SCPPPQ1: variants seen among roughly 807,000 people sequenced by gnomAD.
SCPPPQ1 encodes secretory calcium-binding phosphoprotein proline-glutamine rich 1.
the SCPPPQ1 span, among the ~76,000 whole-genome samples, chr4:87,470,492 G>A: frequency 2.0e-5 from 3 of 151,846 alleles, no homozygotes; most frequent in African/African-American, 7.3e-5. Flanking sequence ...AGATGTAATG[G>A]GTTGGTAGAA....
the SCPPPQ1 span, among the ~76,000 whole-genome samples, chr4:87,470,129 A>T: frequency 1.3e-5 from 2 of 151,764 alleles, no homozygotes; most frequent in Non-Finnish European, 1.5e-5. Flanking sequence ...AATTTTAAAA[A>T]AATTTTCTTA....
the SCPPPQ1 span, among the ~76,000 whole-genome samples, chr4:87,465,709 A>C: frequency 1.3e-5 from 2 of 152,012 alleles, no homozygotes; most frequent in African/African-American, 4.8e-5. Context: ...CAATTATTCT[A>C]TATCTAGGGT....
the SCPPPQ1 span, among the ~76,000 whole-genome samples, chr4:87,465,559 C>CAAAAAAAA: frequency 1.3e-4 from 13 of 98,300 alleles, no homozygotes; most frequent in African/African-American, 2.2e-4. Flanking sequence ...TAGAAATCTA[C>CAAAAAAAA]AAAAAAAAAA....
the SCPPPQ1 span, among the ~76,000 whole-genome samples, chr4:87,465,903 ACAGTAAGT>A: frequency 5.9e-5 from 8 of 136,272 alleles, no homozygotes; most frequent in South Asian, 1.9e-3. Context: ...CACTTTCCCT[ACAGTAAGT>A]GTTACTTTCT....
chr4:87,462,995 CAAA>C, the SCPPPQ1 span, among the ~76,000 whole-genome samples: 5 of 91,682 alleles, frequency 5.5e-5, no homozygotes, highest in East Asian at 3.0e-4. Flanking sequence ...CAAGACTCCT[CAAA>C]AAAAAAAAAA....
chr4:87,470,569 G>T, the SCPPPQ1 span, among the ~76,000 whole-genome samples: 1 of 151,840 alleles, frequency 6.6e-6, no homozygotes, highest in East Asian at 1.9e-4. Flanking sequence ...TTGGTCCATT[G>T]GTTCTGAAAG....
chr4:87,467,870 G>A, the SCPPPQ1 span, among the ~76,000 whole-genome samples: 15 of 152,244 alleles, frequency 9.9e-5, no homozygotes, highest in African/African-American at 3.4e-4. Flanking sequence ...TACTTGTGGT[G>A]GGTAAAAGAT....
At chr4:87,462,514 T>C in the SCPPPQ1 span, among the ~76,000 whole-genome samples, 1 of 152,098 alleles carries the variant, frequency 6.6e-6, no homozygotes, top group Non-Finnish European at 1.5e-5. Flanking sequence ...TTTTTTGGTA[T>C]GTATTTTACA....
At chr4:87,464,837 A>G in the SCPPPQ1 span, among the ~76,000 whole-genome samples, 1 of 152,238 alleles carries the variant, frequency 6.6e-6, no homozygotes, top group Non-Finnish European at 1.5e-5. Context: ...CAGTCTCAAA[A>G]AACAACAACA....
chr4:87,461,984 A>G, the SCPPPQ1 span: 1 of 152,234 alleles, frequency 6.6e-6, no homozygotes, highest in Non-Finnish European at 1.5e-5. Context: ...AACTTCTGGC[A>G]TAGTAGTGGG....
the SCPPPQ1 span, among the ~76,000 whole-genome samples, chr4:87,463,330 C>T: frequency 4.4e-5 from 6 of 137,260 alleles, no homozygotes; most frequent in African/African-American, 1.6e-4. Context: ...AAAAAAAAAA[C>T]AACAAAAAAA....
the SCPPPQ1 span, among the ~76,000 whole-genome samples, chr4:87,467,270 A>G: frequency 1.5e-4 from 23 of 152,292 alleles, no homozygotes; most frequent in African/African-American, 5.1e-4. Context: ...CGACTTACAA[A>G]AGTGTTATAT....
the SCPPPQ1 span, among the ~76,000 whole-genome samples, chr4:87,462,927 G>A: frequency 6.6e-6 from 1 of 150,986 alleles, no homozygotes; most frequent in Non-Finnish European, 1.5e-5. Context: ...GAGCCTGGGG[G>A]GGCAGAGGTT....
the SCPPPQ1 span, among the ~76,000 whole-genome samples, chr4:87,467,878 G>C: frequency 1.4e-3 from 212 of 152,260 alleles, 2 homozygotes; most frequent in Admixed American, 0.012. Context: ...GTGGGTAAAA[G>C]ATAAATCTCT....
At chr4:87,469,317 C>G in the SCPPPQ1 span, among the ~76,000 whole-genome samples, 3 of 152,138 alleles carry the variant, frequency 2.0e-5, no homozygotes, top group Admixed American at 6.5e-5. Flanking sequence ...AAAATCATCT[C>G]CGTGCAACTC....
the SCPPPQ1 span, among the ~76,000 whole-genome samples, chr4:87,468,016 C>G: frequency 6.6e-6 from 1 of 152,114 alleles, no homozygotes; most frequent in Non-Finnish European, 1.5e-5. Flanking sequence ...TTCGAGCTTG[C>G]AAAACAATAA....
At chr4:87,466,429 C>T in the SCPPPQ1 span, among the ~76,000 whole-genome samples, 1 of 151,982 alleles carries the variant, frequency 6.6e-6, no homozygotes, top group African/African-American at 2.4e-5. Context: ...AAACAATGCA[C>T]CTAGTCCTGA....
At chr4:87,464,218 ACAGT>A in the SCPPPQ1 span, among the ~76,000 whole-genome samples, 3 of 152,208 alleles carry the variant, frequency 2.0e-5, no homozygotes, top group Admixed American at 1.3e-4. Flanking sequence ...AATAAAGGAA[ACAGT>A]CAAAGTAAGG....
chr4:87,470,807 G>T, the SCPPPQ1 span, among the ~76,000 whole-genome samples: 7 of 152,134 alleles, frequency 4.6e-5, 1 homozygote, highest in Admixed American at 4.6e-4. Flanking sequence ...GTGCTACTTT[G>T]CCTGAATTTA....
Sources: allele counts gnomAD v4.1 joint callset (sites outside exome capture counted in the v4.1 genomes callset), GRCh38; gene constraint gnomAD v4.1.1; transcripts MANE v1.5; gene names NCBI Gene and HGNC (gene_info 2026-07-23, HGNC 2026-07-21).